Variants in KIF26A observed in about 807,000 individuals in gnomAD.
The protein encoded by KIF26A is kinesin family member 26A.
Under a neutral mutation model 126.0 loss-of-function variants are expected in KIF26A, and 74 were observed. That is an observed-to-expected ratio of 0.59 (90% CI 0.49 to 0.71). The LOEUF (loss-of-function observed/expected upper bound fraction) is 0.71, where lower values mean the gene tolerates loss of function less well. KIF26A is among the 30% of genes least tolerant of loss of function. The probability of loss-of-function intolerance (pLI) is 0.00; values close to 1 mark genes in which losing one functional copy is unlikely to be tolerated. For synonymous variants in KIF26A, 1,445 were observed against 1,232.7 expected (o/e 1.17, Z -3.61); for missense variants, 2,984 against 2,763.3 (o/e 1.08, Z -1.79).
At position 104,152,400 on chromosome 14, in the gene KIF26A, A is replaced by G. The variant is rs1164592872; in HGVS notation, c.674A>G (p.Gln225Arg). ...ALSTVTIQAQ[Q>R]CLEGMWSVSR... The stretch of plus-strand genomic sequence containing the variant: ...AGCACGGTCACCATCCAGGCCCAGC[A>G]GTGCCTGGAGGGCATGTGGAGTGTC... The change falls in exon 3 of 15, where the codon CAG becomes CGG. Residue 225 changes from glutamine to arginine, a missense_variant. Transcript: ENST00000423312. The surrounding 1 kb of genome is among the most constrained non-coding windows in gnomAD (Gnocchi z 5.9). The G allele has an allele frequency of 1.3e-6, 2 of 1,598,850 alleles. No individual in the cohort carries two copies. Among genetic ancestry groups the G allele is most frequent in the East Asian group, 2.3e-5 (1 of 44,136 alleles).
intron 3 of KIF26A, among the ~76,000 whole-genome samples, chr14:104,155,727 C>T (rs1172445119): frequency 2.0e-5 from 3 of 152,362 alleles, no homozygotes; most frequent in East Asian, 1.9e-4. Context: ...AGGCGCGTGC[C>T]GGACTCCTGA....
At chr14:104,139,341 G>A in intron 2 of KIF26A, 53 bp downstream of exon 2, 1 of 1,382,106 alleles carries the variant, frequency 7.2e-7, no homozygotes, top group Non-Finnish European at 9.4e-7. Flanking sequence ...CGCCGAACTT[G>A]GGTAGAACTT....
chr14:104,139,761 G>T (rs903937319), intron 2 of KIF26A, among the ~76,000 whole-genome samples: 1 of 152,238 alleles, frequency 6.6e-6, no homozygotes, highest in Non-Finnish European at 1.5e-5. Context: ...GGCCACAGCA[G>T]CTGGGGGGTC....
Position 104,172,684 on chromosome 14 carries a change from C to G in KIF26A, c.1420+16C>G. Reference sequence around the variant, plus strand: ...ATGAGCCTGGGTAAGCACCCTTGCCCCACCCTAGATGGGTCCTGCTGGCCA... The same window carrying G: ...ATGAGCCTGGGTAAGCACCCTTGCCGCACCCTAGATGGGTCCTGCTGGCCA... On this transcript the variant is annotated intron_variant, in intron 7 of 14. Coordinates refer to ENST00000423312, the MANE Select transcript of KIF26A (RefSeq NM_015656.2). The G allele has an allele frequency of 6.3e-7, 1 of 1,595,540 alleles. No homozygotes were observed. Among genetic ancestry groups the G allele is most frequent in the Non-Finnish European group, 8.6e-7 (1 of 1,165,396 alleles).
chr14:104,165,637 G>C (rs1185933798), intron 4 of KIF26A, among the ~76,000 whole-genome samples: 1 of 130,808 alleles, frequency 7.6e-6, no homozygotes, highest in Admixed American at 7.1e-5. Context: ...GTGTGTGTCT[G>C]TGTTTCTGTA....
rs1441535664 is a variant in KIF26A, at chr14:104,157,936, T to C, written c.917T>C (p.Phe306Ser). 1.3e-6 allele frequency: 2 copies of C among 1,511,160 alleles called. No homozygotes were observed. The highest frequency in any genetic ancestry group is 2.4e-5 in the East Asian group (1 of 41,142). The allele number at this position is 1,511,160 out of a possible 1,614,324, so 93.6% of individuals were successfully genotyped here. ...GGCCCCTCAGCTGCAGCCTCCTTCT[T>C]CATAAGGTATGTCCTGGGGCTTCCT... ...STGPSAAASFFIRAMQKLSLA... is the reference protein window; with the variant it reads ...STGPSAAASFSIRAMQKLSLA... The change falls in exon 4 of 15, where the codon TTC (phenylalanine) becomes TCC (serine). Residue 306 changes from phenylalanine to serine, a missense_variant. Phe to Ser is a radical substitution (Grantham distance 155). Coordinates refer to ENST00000423312, the MANE Select transcript of KIF26A (RefSeq NM_015656.2).
At position 104,141,508 on chromosome 14, in the gene KIF26A, C is replaced by T. The variant is rs553592534; in HGVS notation, c.288+2220C>T. 1.8e-4 allele frequency among the ~76,000 whole-genome samples: 28 copies of T among 152,188 alleles called. 1 individual carries two copies. Among genetic ancestry groups the T allele is most frequent in the African/African-American group, 4.8e-4 (20 of 41,522 alleles). On this transcript the variant is annotated intron_variant, in intron 2 of 14. Transcript: ENST00000423312. ...CGCCTCCGGGCTTCCTGCCTGTCTC[C>T]GTTGTAGAGGGAGGCGTAGAGGGTC...
rs1011196066 is a variant in KIF26A, at chr14:104,177,694, G to A, written c.4906G>A (p.Val1636Met). The change falls in exon 12 of 15, where the codon GTG (valine) becomes ATG (methionine). Residue 1636 changes from valine to methionine, a missense_variant. Val to Met is a conservative substitution (Grantham distance 21). Transcript: ENST00000423312. The part of the protein sequence containing the change: ...SSGHGSDNSS[V>M]LSGELPPAMG... ...CGGCCATGGCAGCGACAACAGCAGC[G>A]TGCTGAGTGGAGAGCTGCCGCCCGC... 11 of 1,531,640 alleles carry A rather than the reference G, an allele frequency of 7.2e-6. No individual in the cohort carries two copies. The highest frequency in any genetic ancestry group is 1.4e-5 in the African/African-American group (1 of 72,760). 94.9% of individuals were successfully genotyped at this position (1,531,640 alleles called of 1,614,324 possible).
intron 10 of KIF26A, 21 bp from the exon 11 acceptor site, chr14:104,174,127 C>G: frequency 6.5e-7 from 1 of 1,532,620 alleles, no homozygotes; most frequent in Non-Finnish European, 8.8e-7. Context: ...GCCTTGGCAT[C>G]TGAACCGCCT....
Position 104,157,774 on chromosome 14 carries a change from C to T in KIF26A, c.755C>T (p.Ala252Val), listed in dbSNP as rs1277528163. 6.2e-7 allele frequency: 1 copy of T among 1,610,548 alleles called. No individual in the cohort carries two copies. The highest frequency in any genetic ancestry group is 1.3e-5 in the African/African-American group (1 of 74,880). Residue 252 changes from alanine to valine, a missense_variant, in exon 4 of 15, where the codon GCC (alanine) becomes GTC (valine). By Grantham distance (64) the Ala-to-Val change is moderately conservative. Transcript: ENST00000423312. ...PACLAEAAVA[A>V]VAVADTVREC... ...CTCCAGGCCGAGGCAGCGGTGGCGG[C>T]CGTGGCGGTGGCAGACACGGTCCGA...
intron 4 of KIF26A, among the ~76,000 whole-genome samples, chr14:104,159,056 A>G (rs2037809810): frequency 6.6e-6 from 1 of 152,144 alleles, no homozygotes; most frequent in South Asian, 2.1e-4. Flanking sequence ...GGGGCATATG[A>G]TTAGGGCATT....
chr14:104,177,436 C>T lies in KIF26A; in HGVS notation c.4648C>T (p.Arg1550Trp), dbSNP rs777416913. The change falls in exon 12 of 15, where the codon CGG becomes TGG. Residue 1550 changes from arginine to tryptophan, a missense_variant. Transcript: ENST00000423312. Reference sequence around the variant, plus strand: ...GCCCAGTGTCGGGGCGAAGGCTGGCCGGGGTACCGTCATGGGCACAAAGCA... The same window carrying T: ...GCCCAGTGTCGGGGCGAAGGCTGGCTGGGGTACCGTCATGGGCACAAAGCA... ...AGPSVGAKAG[R>W]GTVMGTKQAL... is the part of the protein sequence containing the mutation. The T allele has an allele frequency of 2.7e-5, 41 of 1,518,508 alleles. No homozygotes were observed. Among genetic ancestry groups the T allele is most frequent in the African/African-American group, 1.7e-4 (12 of 72,486 alleles). 94.1% of individuals were successfully genotyped at this position (1,518,508 alleles called of 1,614,324 possible).
In KIF26A at chr14:104,152,409, A is replaced by C; in HGVS notation, c.683A>C (p.Glu228Ala). 6.3e-7 allele frequency: 1 copy of C among 1,598,884 alleles called. No homozygotes were observed. The highest frequency in any genetic ancestry group is 2.3e-5 in the East Asian group (1 of 44,152). ...TVTIQAQQCLEGMWSVSRVNS... is the reference protein window; with the variant it reads ...TVTIQAQQCLAGMWSVSRVNS... ...ACCATCCAGGCCCAGCAGTGCCTGG[A>C]GGGCATGTGGAGTGTCTCGCGGGTC... Residue 228 changes from glutamate (E) to alanine (A), a missense_variant, in exon 3 of 15, where the codon GAG (glutamate) becomes GCG (alanine). Glu to Ala is a moderately radical substitution (Grantham distance 107). Transcript: ENST00000423312. The surrounding 1 kb of genome is among the most constrained non-coding windows in gnomAD (Gnocchi z 5.9).
intron 2 of KIF26A, among the ~76,000 whole-genome samples, chr14:104,142,453 T>TC (rs1485714738): frequency 6.6e-6 from 1 of 152,086 alleles, no homozygotes; most frequent in African/African-American, 2.4e-5. Flanking sequence ...TCCTGTGGCC[T>TC]CCAGGGACCT....
chr14:104,174,962 C>T lies in KIF26A; in HGVS notation c.2194-20C>T. 6.6e-7 allele frequency: 1 copy of T among 1,505,848 alleles called. No homozygotes were observed. Among genetic ancestry groups the T allele is most frequent in the South Asian group, 1.3e-5 (1 of 78,814 alleles). 93.3% of individuals were successfully genotyped at this position (1,505,848 alleles called of 1,614,324 possible). On this transcript the variant is annotated intron_variant, in intron 11 of 14. Transcript: ENST00000423312. ...GTGTAGGGGAGACTGGGCTCGGCAG[C>T]TCCACTTTTCTTCCCCCAGTACGCC...
intron 2 of KIF26A, among the ~76,000 whole-genome samples, chr14:104,141,534 GGGGCCC>G: frequency 6.7e-6 from 1 of 148,304 alleles, no homozygotes. Context: ...GTAGAGGGTC[GGGGCCC>G]AGCCTGCCAG....
chr14:104,143,431 C>T (rs1441145515), intron 2 of KIF26A, among the ~76,000 whole-genome samples: 3 of 152,226 alleles, frequency 2.0e-5, no homozygotes, highest in African/African-American at 7.2e-5. Context: ...TTTGCTTCTC[C>T]TGTTGCCTCT....
chr14:104,152,448 C>T lies in KIF26A; in HGVS notation c.722C>T (p.Pro241Leu), dbSNP rs2037739321. 2.5e-6 allele frequency: 4 copies of T among 1,575,966 alleles called. No homozygotes were observed. Among genetic ancestry groups the T allele is most frequent in the East Asian group, 2.3e-5 (1 of 42,760 alleles). Residue 241 changes from proline (P) to leucine (L), a missense_variant, in exon 3 of 15, where the codon CCG (proline) becomes CTG (leucine). By Grantham distance (98) the Pro-to-Leu change is moderately conservative. Coordinates refer to ENST00000423312, the MANE Select transcript of KIF26A (RefSeq NM_015656.2). This position sits in a 1 kb window ranked among gnomAD's most constrained non-coding sequence, Gnocchi z 5.9. ...GTCTCGCGGGTCAACAGCTTCCTCC[C>T]GCCGGCGTGCCTGGTGAGTGTCTTG... ...WSVSRVNSFL[P>L]PACLAEAAVA...
At chr14:104,166,400 T>C (rs1205372381) in intron 4 of KIF26A, among the ~76,000 whole-genome samples, 1 of 152,104 alleles carries the variant, frequency 6.6e-6, no homozygotes, top group Non-Finnish European at 1.5e-5. Context: ...CATCCGACTT[T>C]GGAGATGTAG....
Sources: gnomAD v4.1 joint callset for allele counts (sites outside exome capture counted in the v4.1 genomes callset) on GRCh38, gnomAD v4.1.1 for gene constraint, Gnocchi (gnomAD v3.1) non-coding constraint, MANE v1.5 for transcripts, NCBI Gene and HGNC (gene_info 2026-07-23, HGNC 2026-07-21) for gene names.